The following CFH variants were observed in gnomAD, a reference collection of about 807,000 sequenced individuals.
CFH encodes complement factor H.
A neutral mutation model predicts 147.3 loss-of-function variants in CFH; 53 were observed. The ratio of observed to expected loss-of-function variants is 0.36; its 90% CI spans 0.29 to 0.45. The LOEUF is 0.45. Among genes scored for constraint, CFH ranks in the 20% least tolerant of loss-of-function variants. The probability of loss-of-function intolerance (pLI) is 1.00; values close to 1 mark genes in which losing one functional copy is unlikely to be tolerated. For missense variants in CFH, 1,380 were observed against 1,498.0 expected (o/e 0.92, Z 1.30); for synonymous variants, 536 against 489.4 (o/e 1.10, Z -1.26).
At chr1:196,671,746 G>C (rs972759879) in intron 1 of CFH, among the ~76,000 whole-genome samples, 6 of 143,884 alleles carry the variant, frequency 4.2e-5, no homozygotes, top group African/African-American at 1.5e-4. Context: ...TATATATTAT[G>C]TATGTGAGCA....
At chr1:196,741,601 A>T in intron 18 of CFH, 1 of 405,134 alleles carries the variant, frequency 2.5e-6, no homozygotes, top group East Asian at 5.5e-5. Flanking sequence ...TATGGACAAA[A>T]ATAATGTGAA....
Position 196,672,924 on chromosome 1 carries a change from A to T in CFH, c.59-54A>T, listed in dbSNP as rs550027371. On this transcript the variant is annotated intron_variant, in intron 1 of 21. Coordinates refer to ENST00000367429, the MANE Select transcript of CFH (RefSeq NM_000186.4). The stretch of plus-strand genomic sequence containing the variant: ...TTAAAAGCAACAATTACCTAAATAT[A>T]CTGTACATTTAAATAGACACTTTAT... 24 of 1,450,894 alleles carry T rather than the reference A, an allele frequency of 1.7e-5. No homozygotes were observed. The African/African-American group carries it at 2.3e-4, about 14-fold the overall frequency. 89.9% of individuals were successfully genotyped at this position (1,450,894 alleles called of 1,614,324 possible).
intron 1 of CFH, among the ~76,000 whole-genome samples, chr1:196,666,283 T>C (rs1341586505): frequency 6.6e-6 from 1 of 152,200 alleles, no homozygotes. Flanking sequence ...TCTTTAGATT[T>C]CATTTAATGT....
chr1:196,739,891 G>A (rs1325003756), intron 17 of CFH, among the ~76,000 whole-genome samples: 11 of 152,150 alleles, frequency 7.2e-5, no homozygotes, highest in Admixed American at 5.9e-4. Context: ...ATTTATAAAG[G>A]AAAGAGGTGT....
At chr1:196,671,454 T>C (rs1667272952) in intron 1 of CFH, among the ~76,000 whole-genome samples, 1 of 151,940 alleles carries the variant, frequency 6.6e-6, no homozygotes, top group Admixed American at 6.6e-5. Flanking sequence ...ACTCAAAAAT[T>C]TAACTCAGAG....
At chr1:196,731,446 A>G (rs185782593) in intron 15 of CFH, among the ~76,000 whole-genome samples, 2 of 152,078 alleles carry the variant, frequency 1.3e-5, no homozygotes, top group African/African-American at 4.8e-5. Context: ...GCATCTTTCA[A>G]TAATTCGTAT....
chr1:196,733,350 G>A (rs565106775), intron 15 of CFH, among the ~76,000 whole-genome samples: 3 of 151,934 alleles, frequency 2.0e-5, no homozygotes, highest in Non-Finnish European at 4.4e-5. Context: ...TTGGCATAGC[G>A]CCTGGAGTTT....
intron 1 of CFH, among the ~76,000 whole-genome samples, chr1:196,653,968 G>A (rs1435025651): frequency 6.6e-6 from 1 of 152,048 alleles, no homozygotes; most frequent in Non-Finnish European, 1.5e-5. Flanking sequence ...AATTTTCAGT[G>A]GATATCAGAC....
chr1:196,742,661 C>G (rs1652850112), intron 19 of CFH, among the ~76,000 whole-genome samples: 1 of 152,116 alleles, frequency 6.6e-6, no homozygotes, highest in East Asian at 1.9e-4. Context: ...TAAGCTCATT[C>G]TAGACATCCA....
intron 11 of CFH, among the ~76,000 whole-genome samples, chr1:196,721,364 AT>A (rs1668994715): frequency 6.6e-6 from 1 of 151,966 alleles, no homozygotes; most frequent in African/African-American, 2.4e-5. Context: ...AGTTTTGAAA[AT>A]TCTTTATGAT....
At chr1:196,736,311 A>C (rs1228744079) in intron 15 of CFH, among the ~76,000 whole-genome samples, 1 of 152,084 alleles carries the variant, frequency 6.6e-6, no homozygotes, top group Non-Finnish European at 1.5e-5. Context: ...GATTATATTT[A>C]ATGCTTATAT....
intron 17 of CFH, among the ~76,000 whole-genome samples, chr1:196,739,003 A>G (rs934024126): frequency 6.6e-6 from 1 of 152,232 alleles, no homozygotes; most frequent in Non-Finnish European, 1.5e-5. Context: ...CACAGGCCCA[A>G]GACTACATGT....
intron 6 of CFH, among the ~76,000 whole-genome samples, chr1:196,681,331 G>T (rs925149613): frequency 6.6e-6 from 1 of 151,164 alleles, no homozygotes; most frequent in Admixed American, 6.6e-5. Flanking sequence ...TGATTTTTTC[G>T]TCTCTTTTAC....
At position 196,673,076 on chromosome 1, in the gene CFH, C is replaced by T. The variant is rs757785149; in HGVS notation, c.157C>T (p.Arg53Cys). The change falls in exon 2 of 22, where the codon CGC (arginine) becomes TGC (cysteine). Residue 53 changes from arginine (R) to cysteine (C), a missense_variant. Arg to Cys is a radical substitution (Grantham distance 180). Transcript: ENST00000367429. Reference protein sequence around the residue: ...PEGTQAIYKCRPGYRSLGNVI... With the variant: ...PEGTQAIYKCCPGYRSLGNVI... ...AGGCACCCAGGCTATCTATAAATGC[C>T]GCCCTGGATATAGATCTCTTGGAAA... The T allele has an allele frequency of 1.2e-5, 19 of 1,613,678 alleles. No individual in the cohort carries two copies. Among genetic ancestry groups the T allele is most frequent in the South Asian group, 4.4e-5 (4 of 91,070 alleles).
At chr1:196,715,438 C>T (rs535465835) in intron 10 of CFH, among the ~76,000 whole-genome samples, 155 bp from the exon 11 acceptor site, 11 of 152,110 alleles carry the variant, frequency 7.2e-5, no homozygotes, top group African/African-American at 9.6e-5. Flanking sequence ...AACTATTTTA[C>T]GACAACAAAT....
rs996564392 is a variant in CFH at position 196,700,927 on chromosome 1, C to G, written c.1336+10688C>G. 5 of 911,958 alleles carry G rather than the reference C, an allele frequency of 5.5e-6. 1 individual carries two copies. The highest frequency in any genetic ancestry group is 6.6e-6 in the Non-Finnish European group (5 of 762,912). 56.5% of individuals were successfully genotyped at this position (911,958 alleles called of 1,614,324 possible). On this transcript the variant is annotated intron_variant, in intron 9 of 21. Coordinates refer to ENST00000367429, the MANE Select transcript of CFH (RefSeq NM_000186.4). ...AGTTTTCTCAGAGCAGCTGGCACCC[C>G]ATTTCCTTCTGTGTGTGTGTGCCTG... is the stretch of plus-strand genomic sequence containing the variant.
chr1:196,744,992 C>A (rs1277390546), intron 20 of CFH, among the ~76,000 whole-genome samples: 2 of 152,120 alleles, frequency 1.3e-5, no homozygotes, highest in Non-Finnish European at 2.9e-5. Context: ...GTTCTTTGAA[C>A]ACTTGAAAAC....
chr1:196,711,247 T>C (rs572170383), intron 9 of CFH, among the ~76,000 whole-genome samples: 24 of 152,236 alleles, frequency 1.6e-4, no homozygotes, highest in African/African-American at 5.1e-4. Flanking sequence ...TTTACTAATA[T>C]CTAATGGTAG....
At chr1:196,682,339 T>C (rs980618521) in intron 6 of CFH, among the ~76,000 whole-genome samples, 1 of 151,704 alleles carries the variant, frequency 6.6e-6, no homozygotes, top group Non-Finnish European at 1.5e-5. Context: ...GTCTCAAGTA[T>C]TGTTTTGGAT....
Sources: allele counts gnomAD v4.1 joint callset (sites outside exome capture counted in the v4.1 genomes callset), GRCh38; gene constraint gnomAD v4.1.1; transcripts MANE v1.5; gene names NCBI Gene and HGNC (gene_info 2026-07-23, HGNC 2026-07-21).